The following PCDHGB3 variants were observed in gnomAD, a reference collection of about 807,000 sequenced individuals.
PCDHGB3 encodes the protein protocadherin gamma-B3.
A neutral mutation model predicts 59.2 loss-of-function variants in PCDHGB3; 40 were observed. The observed-to-expected ratio is 0.68, with a 90% CI of 0.52 to 0.88. The LOEUF is 0.88. Ranked by LOEUF, PCDHGB3 falls within the 40% of genes least tolerant of loss-of-function variation. The probability of loss-of-function intolerance (pLI) is 0.00; values close to 1 mark genes in which losing one functional copy is unlikely to be tolerated. For synonymous variants in PCDHGB3, 581 were observed against 503.6 expected (o/e 1.15, Z -2.06); for missense variants, 1,309 against 1,187.9 (o/e 1.10, Z -1.50).
chr5:141,477,158 A>G lies in PCDHGB3; in HGVS notation c.2416-17649A>G, dbSNP rs1476516538. 1.2e-6 allele frequency: 2 copies of G among 1,614,154 alleles called. No individual in the cohort carries two copies. Among genetic ancestry groups the G allele is most frequent in the Non-Finnish European group, 1.7e-6 (2 of 1,180,018 alleles). ...GGTGGAGGTTGTGGATGTGAATGACAACGCCCCGGAGATCACAGTCACCTC... is the reference window on the plus strand; with the variant it reads ...GGTGGAGGTTGTGGATGTGAATGACGACGCCCCGGAGATCACAGTCACCTC... On this transcript the variant is annotated intron_variant, in intron 1 of 3. Coordinates refer to ENST00000576222, the MANE Select transcript of PCDHGB3 (RefSeq NM_018924.5). This position sits in a 1 kb window ranked among gnomAD's most constrained non-coding sequence, Gnocchi z 4.9.
Position 141,371,172 on chromosome 5 carries a change from T to G in PCDHGB3, c.778T>G (p.Ser260Ala). 6.2e-7 allele frequency: 1 copy of G among 1,614,016 alleles called. No homozygotes were observed. Among genetic ancestry groups the G allele is most frequent in the Non-Finnish European group, 8.5e-7 (1 of 1,179,892 alleles). Reference protein sequence around the residue: ...NVAENLPAGSSVLKVMAIDMD... With the variant: ...NVAENLPAGSAVLKVMAIDMD... ...TGCAGAGAACCTGCCCGCTGGCTCC[T>G]CCGTATTAAAAGTGATGGCCATTGA... The change falls in exon 1 of 4, where the codon TCC becomes GCC. Residue 260 changes from serine to alanine, a missense_variant. By Grantham distance (99) the Ser-to-Ala change is moderately conservative (BLOSUM62 1). Coordinates refer to ENST00000576222, the MANE Select transcript of PCDHGB3 (RefSeq NM_018924.5).
At chr5:141,484,598 T>C (rs2099598059) in intron 1 of PCDHGB3, among the ~76,000 whole-genome samples, 1 of 152,080 alleles carries the variant, frequency 6.6e-6, no homozygotes, top group Non-Finnish European at 1.5e-5. Flanking sequence ...TCATTTAGAA[T>C]ACTGGTTGAT....
At chr5:141,414,957 G>A in intron 1 of PCDHGB3, 7 of 1,614,018 alleles carry the variant, frequency 4.3e-6, no homozygotes, top group Non-Finnish European at 3.4e-6. Flanking sequence ...TGGTGACCAA[G>A]GTGGTGGCGG....
At position 141,486,478 on chromosome 5, in the gene PCDHGB3, C is replaced by T; in HGVS notation, c.2416-8329C>T. The T allele has an allele frequency of 2.5e-6, 4 of 1,614,026 alleles. No homozygotes were observed. The highest frequency in any genetic ancestry group is 3.4e-6 in the Non-Finnish European group (4 of 1,179,854). On this transcript the variant is annotated intron_variant, in intron 1 of 3. Transcript: ENST00000576222. The surrounding 1 kb of genome is among the most constrained non-coding windows in gnomAD (Gnocchi z 5.0). ...CTTCTGATGCTGGGAACCCTCCTCT[C>T]AGTACCCACAGAACTATTTTCCTCA...
At position 141,476,290 on chromosome 5, in the gene PCDHGB3, C is replaced by T. The variant is rs768208156; in HGVS notation, c.2416-18517C>T. ...TGGTCGCGAACCTTGGTTTGGATCT[C>T]GGTAGCCTCTCAGCCCGCAGGTTCC... On this transcript the variant is annotated intron_variant, in intron 1 of 3. Coordinates refer to ENST00000576222, the MANE Select transcript of PCDHGB3 (RefSeq NM_018924.5). The surrounding 1 kb of genome is among the most constrained non-coding windows in gnomAD (Gnocchi z 7.6). 1.7e-5 allele frequency: 27 copies of T among 1,613,932 alleles called. No individual in the cohort carries two copies. Among genetic ancestry groups the T allele is most frequent in the Non-Finnish European group, 2.3e-5 (27 of 1,180,018 alleles).
intron 3 of PCDHGB3, among the ~76,000 whole-genome samples, chr5:141,505,969 A>G (rs1454691041): frequency 1.3e-5 from 2 of 152,142 alleles, no homozygotes; most frequent in Non-Finnish European, 2.9e-5. Context: ...AGAAATCCCC[A>G]GCCGAGAGAA....
intron 1 of PCDHGB3, chr5:141,398,997 G>A: frequency 6.2e-7 from 1 of 1,613,934 alleles, no homozygotes; most frequent in Non-Finnish European, 8.5e-7. Flanking sequence ...TCTTTAGTCT[G>A]AATTCAAAGA....
chr5:141,477,778 C>A lies in PCDHGB3; in HGVS notation c.2416-17029C>A. The stretch of plus-strand genomic sequence containing the variant: ...TCCTAGCCACCAACATCAGCGTGAA[C>A]ATATTTGTCACTGATCGCAATGACA... On this transcript the variant is annotated intron_variant, in intron 1 of 3. Coordinates refer to ENST00000576222, the MANE Select transcript of PCDHGB3 (RefSeq NM_018924.5). The surrounding 1 kb of genome is among the most constrained non-coding windows in gnomAD (Gnocchi z 4.9). The A allele has an allele frequency of 6.2e-7, 1 of 1,614,052 alleles. No individual in the cohort carries two copies. The highest frequency in any genetic ancestry group is 8.5e-7 in the Non-Finnish European group (1 of 1,180,040).
chr5:141,403,762 T>A (rs1217388200), intron 1 of PCDHGB3: 1 of 1,613,736 alleles, frequency 6.2e-7, no homozygotes, highest in Non-Finnish European at 8.5e-7. Flanking sequence ...GCGACCTGGA[T>A]GAGGGAATCA....
chr5:141,478,293 T>C (rs2099444312), intron 1 of PCDHGB3: 2 of 1,614,026 alleles, frequency 1.2e-6, no homozygotes. Context: ...TCTAGAGACC[T>C]ATACCGAGCC....
chr5:141,374,846 C>G, intron 1 of PCDHGB3: 1 of 1,613,842 alleles, frequency 6.2e-7, no homozygotes, highest in Non-Finnish European at 8.5e-7. Context: ...TCCTGAAAAC[C>G]TGCCAGTAGG....
rs760509503 is a variant in PCDHGB3 at position 141,432,756 on chromosome 5, A to T, written c.2415+59947A>T. The T allele has an allele frequency of 5.6e-6, 9 of 1,613,958 alleles. No homozygotes were observed. Among genetic ancestry groups the T allele is most frequent in the Non-Finnish European group, 7.6e-6 (9 of 1,179,994 alleles). On this transcript the variant is annotated intron_variant, in intron 1 of 3. Transcript: ENST00000576222. This position sits in a 1 kb window ranked among gnomAD's most constrained non-coding sequence, Gnocchi z 6.0. ...GTCACGCTCACCGTGGCCGTGGCCG[A>T]CAGCATCCCCCAAGTCCTGGCGGAC...
intron 1 of PCDHGB3, among the ~76,000 whole-genome samples, chr5:141,463,911 T>C (rs749224024): frequency 6.6e-6 from 1 of 152,156 alleles, no homozygotes; most frequent in African/African-American, 2.4e-5. Context: ...TAATAATATA[T>C]CCTGGAAATC....
chr5:141,494,901 G>C, intron 2 of PCDHGB3, 36 bp downstream of exon 2: 1 of 1,614,050 alleles, frequency 6.2e-7, no homozygotes, highest in Non-Finnish European at 8.5e-7. Context: ...CCTCTTCTCT[G>C]CGGCATTTTC....
chr5:141,506,935 G>A (rs1375246477), intron 3 of PCDHGB3, among the ~76,000 whole-genome samples: 3 of 152,116 alleles, frequency 2.0e-5, no homozygotes, highest in African/African-American at 7.2e-5. Context: ...AACTTTAGGG[G>A]CCTCCTGTCA....
chr5:141,509,157 C>T lies in PCDHGB3; in HGVS notation c.2564-1790C>T, dbSNP rs369133984. Among the ~76,000 whole-genome samples the T allele has an allele frequency of 2.6e-4, 40 of 152,314 alleles. No individual in the cohort carries two copies. In the South Asian group the frequency reaches 7.0e-3, roughly 27 times the overall value. On this transcript the variant is annotated intron_variant, in intron 3 of 3. Transcript: ENST00000576222. The stretch of plus-strand genomic sequence containing the variant: ...GAGGCGCATCCCGGCTCTCCCCTCC[C>T]GTGTGCCCTCCTCCTCTTATGCCGG...
chr5:141,454,101 A>T (rs2098781558), intron 1 of PCDHGB3, among the ~76,000 whole-genome samples: 1 of 152,256 alleles, frequency 6.6e-6, no homozygotes. Flanking sequence ...ATTGAACATA[A>T]ATGGAGTTAT....
Position 141,371,248 on chromosome 5 carries a change from G to T in PCDHGB3, c.854G>T (p.Gly285Val). The T allele has an allele frequency of 6.2e-7, 1 of 1,614,024 alleles. No homozygotes were observed. Among genetic ancestry groups the T allele is most frequent in the East Asian group, 2.2e-5 (1 of 44,878 alleles). Residue 285 changes from glycine to valine, a missense_variant, in exon 1 of 4, where the codon GGC becomes GTC. Transcript: ENST00000576222. ...ATCATCTATGCCTTCATCAATATTGGCAAGGAAGTGAGACAACTGTTCAAG... is the reference window on the plus strand; with the variant it reads ...ATCATCTATGCCTTCATCAATATTGTCAAGGAAGTGAGACAACTGTTCAAG... ...AEIIYAFINI[G>V]KEVRQLFKLD...
At chr5:141,488,020 T>C (rs985558790) in intron 1 of PCDHGB3, among the ~76,000 whole-genome samples, 3 of 152,174 alleles carry the variant, frequency 2.0e-5, no homozygotes, top group African/African-American at 7.2e-5. Context: ...GTACCTTAAC[T>C]CTAGGTTACC....
Sources: allele counts gnomAD v4.1 joint callset (sites outside exome capture counted in the v4.1 genomes callset), GRCh38; gene constraint gnomAD v4.1.1; non-coding constraint Gnocchi (gnomAD v3.1); transcripts MANE v1.5; gene names NCBI Gene and HGNC (gene_info 2026-07-23, HGNC 2026-07-21).